CEP112: variants seen among roughly 807,000 people sequenced by gnomAD.
CEP112 encodes centrosomal protein of 112 kDa.
CEP112 carries 127 observed loss-of-function variants against 153.0 expected under a neutral mutation model. The observed-to-expected ratio is 0.83, with a 90% CI of 0.72 to 0.96. The LOEUF is 0.96. Ranked by LOEUF, CEP112 falls within the 40% of genes least tolerant of loss-of-function variation. The probability of loss-of-function intolerance (pLI) is 0.00; values close to 1 mark genes in which losing one functional copy is unlikely to be tolerated. For synonymous variants in CEP112, 358 were observed against 374.4 expected, an observed-to-expected ratio of 0.96 and a Z score of 0.51; for missense variants, 1,089 against 1,101.2, an observed-to-expected ratio of 0.99 and a Z score of 0.16.
intron 22 of CEP112, among the ~76,000 whole-genome samples, chr17:65,746,859 C>A (rs560607132): frequency 6.6e-6 from 1 of 152,214 alleles, no homozygotes; most frequent in Admixed American, 6.5e-5. Flanking sequence ...AATGCTAGCA[C>A]TCAACTAAAT....
intron 24 of CEP112, among the ~76,000 whole-genome samples, chr17:65,658,623 G>T (rs146242316): frequency 6.6e-6 from 1 of 152,206 alleles, no homozygotes; most frequent in Admixed American, 6.5e-5. Flanking sequence ...GGAAATATGC[G>T]AGTAGAGCTC....
intron 12 of CEP112, among the ~76,000 whole-genome samples, chr17:66,045,393 T>C (rs2066163518): frequency 6.6e-6 from 1 of 152,088 alleles, no homozygotes. Context: ...ATTTGGTAAG[T>C]CCAAGTCTTG....
intron 23 of CEP112, among the ~76,000 whole-genome samples, chr17:65,702,710 G>A (rs1333474039): frequency 6.6e-6 from 1 of 152,198 alleles, no homozygotes; most frequent in African/African-American, 2.4e-5. Flanking sequence ...ATAAAGGAAA[G>A]AGGTTTAATG....
intron 21 of CEP112, among the ~76,000 whole-genome samples, chr17:65,836,777 T>C (rs1490073128): frequency 1.3e-5 from 2 of 152,060 alleles, no homozygotes; most frequent in African/African-American, 2.4e-5. Context: ...CTAGACCAAA[T>C]AGACCTAACA....
At position 66,074,218 on chromosome 17, in the gene CEP112, T is replaced by A. The variant is rs192090674; in HGVS notation, c.769-4217A>T. The stretch of plus-strand genomic sequence containing the variant: ...TTCAAAGGAACAAAAATTCACTAGA[T>A]GAGCTTAATGGATTAGAGAGAACAG... On this transcript the variant is annotated intron_variant, in intron 8 of 26. Coordinates refer to ENST00000535342, the MANE Select transcript of CEP112 (RefSeq NM_001199165.4). 3.5e-3 allele frequency among the ~76,000 whole-genome samples: 533 copies of A among 152,158 alleles called. 2 individuals carry two copies. The highest frequency in any genetic ancestry group is 0.012 in the African/African-American group (499 of 41,522).
intron 18 of CEP112, among the ~76,000 whole-genome samples, chr17:65,931,294 G>A (rs1469201926): frequency 1.3e-5 from 2 of 152,154 alleles, no homozygotes; most frequent in East Asian, 3.8e-4. Context: ...TAGGAGTGAG[G>A]CTGACACATG....
chr17:65,933,672 C>T (rs1308583002), intron 18 of CEP112, among the ~76,000 whole-genome samples: 1 of 152,170 alleles, frequency 6.6e-6, no homozygotes, highest in Non-Finnish European at 1.5e-5. Context: ...CACCATGAGT[C>T]TTGCCTTACA....
chr17:65,810,086 A>G (rs1013598481), intron 21 of CEP112, among the ~76,000 whole-genome samples: 1 of 152,224 alleles, frequency 6.6e-6, no homozygotes, highest in Non-Finnish European at 1.5e-5. Context: ...CAAATGTTTC[A>G]ACATATTGAA....
chr17:65,915,787 CAA>C lies in CEP112; in HGVS notation c.1980+11793_1980+11794del, dbSNP rs755351021. Reference sequence around the variant, plus strand: ...TGGGTGACAGAGTGAGACTCAAACTCAAAAAAAAAAAAAAAAAAAAAGAGAAA... The same window carrying C: ...TGGGTGACAGAGTGAGACTCAAACTCAAAAAAAAAAAAAAAAAAAGAGAAA... On this transcript the variant is annotated intron_variant, in intron 19 of 26. Coordinates refer to ENST00000535342, the MANE Select transcript of CEP112 (RefSeq NM_001199165.4). 4.4e-4 allele frequency among the ~76,000 whole-genome samples: 25 copies of C among 56,584 alleles called. No individual in the cohort carries two copies. In the South Asian group the frequency reaches 6.1e-3, roughly 14 times the overall value. 37.1% of individuals were successfully genotyped at this position (56,584 alleles called of 152,430 possible).
intron 6 of CEP112, among the ~76,000 whole-genome samples, chr17:66,117,745 AG>A (rs2069367183): frequency 6.6e-6 from 1 of 152,222 alleles, no homozygotes; most frequent in African/African-American, 2.4e-5. Flanking sequence ...ACAAAATGGG[AG>A]ATATTTGCAA....
chr17:65,778,208 T>C (rs912634839), intron 21 of CEP112, among the ~76,000 whole-genome samples: 2 of 152,208 alleles, frequency 1.3e-5, no homozygotes, highest in Non-Finnish European at 2.9e-5. Flanking sequence ...GAATCTTTTG[T>C]CTGTTCTGTT....
chr17:65,970,012 A>G (rs1280480730), intron 17 of CEP112, among the ~76,000 whole-genome samples: 5 of 152,142 alleles, frequency 3.3e-5, no homozygotes, highest in Non-Finnish European at 5.9e-5. Flanking sequence ...TCACATGTGT[A>G]TTGCGAACAT....
chr17:66,095,655 C>T (rs566078725), intron 8 of CEP112, among the ~76,000 whole-genome samples: 1 of 152,290 alleles, frequency 6.6e-6, no homozygotes, highest in Admixed American at 6.5e-5. Context: ...TATGAGAGTA[C>T]ATTTTAAGTA....
At chr17:65,971,572 T>C (rs899544915) in intron 17 of CEP112, among the ~76,000 whole-genome samples, 5 of 152,092 alleles carry the variant, frequency 3.3e-5, no homozygotes, top group African/African-American at 9.7e-5. Context: ...GTTGTATGTA[T>C]ATGGCATGTA....
At chr17:65,667,751 T>A (rs988914070) in intron 24 of CEP112, among the ~76,000 whole-genome samples, 1 of 152,134 alleles carries the variant, frequency 6.6e-6, no homozygotes, top group African/African-American at 2.4e-5. Context: ...ATACTGAGGA[T>A]AAACGTAACT....
intron 23 of CEP112, among the ~76,000 whole-genome samples, chr17:65,740,661 A>G (rs535794707): frequency 3.9e-5 from 6 of 152,130 alleles, no homozygotes; most frequent in Non-Finnish European, 7.4e-5. Context: ...TTCATCATCA[A>G]CCCAGAAGTG....
chr17:65,646,769 C>A (rs1349066801), intron 24 of CEP112, among the ~76,000 whole-genome samples: 1 of 152,202 alleles, frequency 6.6e-6, no homozygotes, highest in Non-Finnish European at 1.5e-5. Context: ...TTAGAGGAGT[C>A]TTTGCTACCA....
chr17:65,639,836 C>CTTTTTT (rs554226605), intron 25 of CEP112, among the ~76,000 whole-genome samples: 38 of 110,958 alleles, frequency 3.4e-4, no homozygotes, highest in Middle Eastern at 6.1e-3. Flanking sequence ...CTCTTTCTTT[C>CTTTTTT]TTTTTTTTTT....
intron 21 of CEP112, among the ~76,000 whole-genome samples, chr17:65,828,768 A>C (rs2056952590): frequency 1.3e-5 from 2 of 152,130 alleles, no homozygotes; most frequent in African/African-American, 2.4e-5. Flanking sequence ...CTCCTGGAAT[A>C]AAATCCATGT....
Sources: gnomAD v4.1 joint callset for allele counts (sites outside exome capture counted in the v4.1 genomes callset) on GRCh38, gnomAD v4.1.1 for gene constraint, MANE v1.5 for transcripts, NCBI Gene and HGNC (gene_info 2026-07-23, HGNC 2026-07-21) for gene names.